The following MYOZ3 variants were observed in gnomAD, a reference collection of about 807,000 sequenced individuals.
The protein encoded by MYOZ3 is myozenin 3, also known as myozenin-3.
A neutral mutation model predicts 26.5 loss-of-function variants in MYOZ3; 19 were observed. That is an observed-to-expected ratio of 0.72 (90% CI 0.50 to 1.05). MYOZ3 has a LOEUF of 1.05. Ranked by LOEUF, MYOZ3 falls within the 50% of genes least tolerant of loss-of-function variation. The pLI, the probability that MYOZ3 is intolerant of heterozygous loss-of-function variation, is 0.00. For missense variants in MYOZ3, 322 were observed against 337.1 expected (o/e 0.96, Z 0.35); for synonymous variants, 135 against 138.8 (o/e 0.97, Z 0.19).
chr5:150,663,266 C>T (rs541330770), intron 2 of MYOZ3, among the ~76,000 whole-genome samples: 1 of 152,254 alleles, frequency 6.6e-6, no homozygotes, highest in African/African-American at 2.4e-5. Context: ...GACCCTGGCC[C>T]TGGCTTCATC....
Position 150,676,709 on chromosome 5 carries a change from C to T in MYOZ3, c.590C>T (p.Thr197Ile), listed in dbSNP as rs1245795848. 1.9e-6 allele frequency: 3 copies of T among 1,613,504 alleles called. No individual in the cohort carries two copies. Among genetic ancestry groups the T allele is most frequent in the African/African-American group, 1.3e-5 (1 of 74,888 alleles). Reference sequence around the variant, plus strand: ...CTCCTGCTGCTCTCTTTCTCCAGGACCCCGGTGCCATTTGGAGGACCCCTC... The same window carrying T: ...CTCCTGCTGCTCTCTTTCTCCAGGATCCCGGTGCCATTTGGAGGACCCCTC... The part of the protein sequence containing the change: ...SPNDYRNFNK[T>I]PVPFGGPLVG... Residue 197 changes from threonine to isoleucine, a missense_variant and splice_region_variant, in exon 7 of 7, where the codon ACC (threonine) becomes ATC (isoleucine). Thr to Ile is a moderately conservative substitution (Grantham distance 89, BLOSUM62 -1). Transcript: ENST00000517768.
In MYOZ3 at chr5:150,672,354, C is replaced by G. The variant is rs763890551; in HGVS notation, c.439C>G (p.Leu147Val). 1 of 1,608,780 alleles carries G rather than the reference C, an allele frequency of 6.2e-7. No individual in the cohort carries two copies. Among genetic ancestry groups the G allele is most frequent in the East Asian group, 2.2e-5 (1 of 44,702 alleles). Reference protein sequence around the residue: ...SALAPGYAEPLKGVPPEKFNH... With the variant: ...SALAPGYAEPVKGVPPEKFNH... ...CGCGCCCCTAGGCTATGCGGAGCCG[C>G]TGAAGGGCGTCCCGCCAGAGAAGTT... The change falls in exon 6 of 7, where the codon CTG becomes GTG. Residue 147 changes from leucine (L) to valine (V), a missense_variant. Physicochemically the swap from Leu to Val is conservative, Grantham distance 32. Transcript: ENST00000517768.
intron 2 of MYOZ3, 119 bp from the exon 3 acceptor site, chr5:150,670,365 G>A: frequency 8.6e-7 from 1 of 1,168,596 alleles, no homozygotes; most frequent in Non-Finnish European, 1.1e-6. Context: ...GACACCCGGT[G>A]TCGGCAAGCT....
chr5:150,676,732 C>T lies in MYOZ3; in HGVS notation c.613C>T (p.Leu205Phe), dbSNP rs1362909672. 31 of 1,614,012 alleles carry T rather than the reference C, an allele frequency of 1.9e-5. No individual in the cohort carries two copies. Among genetic ancestry groups the T allele is most frequent in the Non-Finnish European group, 2.6e-5 (31 of 1,180,018 alleles). ...GACCCCGGTGCCATTTGGAGGACCC[C>T]TCGTGGGGGGCACTTTTCCCAGGCC... is the stretch of plus-strand genomic sequence containing the variant. ...NKTPVPFGGP[L>F]VGGTFPRPGT... The change falls in exon 7 of 7, where the codon CTC (leucine) becomes TTC (phenylalanine). Residue 205 changes from leucine (L) to phenylalanine (F), a missense_variant. Transcript: ENST00000517768.
At chr5:150,671,443 G>A (rs1581535164) in intron 3 of MYOZ3, 154 bp from the exon 4 acceptor site, 3 of 746,186 alleles carry the variant, frequency 4.0e-6, no homozygotes, top group Non-Finnish European at 6.7e-6. Context: ...CAGGCACTGG[G>A]TTTAGCGTTG....
At chr5:150,672,067 G>C in intron 5 of MYOZ3, 159 bp downstream of exon 5, 1 of 1,220,056 alleles carries the variant, frequency 8.2e-7, no homozygotes, top group East Asian at 2.5e-5. Flanking sequence ...GAGCCGGAGG[G>C]GCGCCGCGCC....
chr5:150,674,215 C>A (rs1274623947), intron 6 of MYOZ3, among the ~76,000 whole-genome samples: 2 of 152,216 alleles, frequency 1.3e-5, no homozygotes, highest in Non-Finnish European at 2.9e-5. Context: ...GCCCTCAGAC[C>A]CTGCCTGCCC....
intron 2 of MYOZ3, among the ~76,000 whole-genome samples, chr5:150,667,293 C>T (rs1758825418): frequency 6.6e-6 from 1 of 152,162 alleles, no homozygotes; most frequent in South Asian, 2.1e-4. Flanking sequence ...TCTTCTCAAA[C>T]CTCCAATACC....
intron 6 of MYOZ3, among the ~76,000 whole-genome samples, chr5:150,676,203 C>G (rs1759002890): frequency 1.3e-5 from 2 of 151,906 alleles, no homozygotes; most frequent in African/African-American, 4.8e-5. Flanking sequence ...ACGAACCACC[C>G]AAGTAGGCGC....
intron 6 of MYOZ3, among the ~76,000 whole-genome samples, chr5:150,675,008 T>TCAAAA (rs570383078): frequency 1.4e-4 from 21 of 152,142 alleles, no homozygotes; most frequent in Non-Finnish European, 2.4e-4. Context: ...AGACCCTGTC[T>TCAAAA]CAAAACAAAA....
intron 6 of MYOZ3, 36 bp downstream of exon 6, chr5:150,672,538 G>A: frequency 6.5e-7 from 1 of 1,527,274 alleles, no homozygotes; most frequent in Non-Finnish European, 8.8e-7. Flanking sequence ...GACAGACCGG[G>A]AGGGGCGGGA....
Position 150,678,162 on chromosome 5 carries a change from C to T in MYOZ3, c.*1287C>T, listed in dbSNP as rs1330914870. On this transcript the variant is annotated 3_prime_UTR_variant, in exon 7 of 7. Transcript: ENST00000517768. ...GCCAGGAAGCCTGCAAGGGATGAGGCCATGGGAATGGAGAGAAGGGGCCAC... is the reference window on the plus strand; with the variant it reads ...GCCAGGAAGCCTGCAAGGGATGAGGTCATGGGAATGGAGAGAAGGGGCCAC... 6.6e-6 allele frequency: 1 copy of T among 152,430 alleles called. No homozygotes were observed. Among genetic ancestry groups the T allele is most frequent in the African/African-American group, 2.4e-5 (1 of 41,390 alleles). 9.4% of individuals were successfully genotyped at this position (152,430 alleles called of 1,614,324 possible).
chr5:150,672,619 G>A (rs1758939757), intron 6 of MYOZ3, 117 bp downstream of exon 6: 2 of 1,255,770 alleles, frequency 1.6e-6, no homozygotes, highest in African/African-American at 1.5e-5. Context: ...TGTCCCCAGC[G>A]CTTTCTATTC....
In MYOZ3 at chr5:150,676,814, C is replaced by A. The variant is rs1266594581; in HGVS notation, c.695C>A (p.Pro232His). The stretch of plus-strand genomic sequence containing the variant: ...GGCTTGGAACTCCTCCGTCTCAGAC[C>A]CAGCTTCAACAGAGTGGCCCAGGGC... ...LSGLELLRLR[P>H]SFNRVAQGWV... Residue 232 changes from proline (P) to histidine (H), a missense_variant, in exon 7 of 7, where the codon CCC (proline) becomes CAC (histidine). Physicochemically the swap from Pro to His is moderately conservative, Grantham distance 77. Coordinates refer to ENST00000517768, the MANE Select transcript of MYOZ3 (RefSeq NM_001122853.3). 1.9e-6 allele frequency: 3 copies of A among 1,613,892 alleles called. No individual in the cohort carries two copies. Among genetic ancestry groups the A allele is most frequent in the Non-Finnish European group, 1.7e-6 (2 of 1,180,022 alleles).
intron 1 of MYOZ3, among the ~76,000 whole-genome samples, chr5:150,662,074 C>T (rs759041231): frequency 1.9e-4 from 29 of 152,104 alleles, no homozygotes; most frequent in Non-Finnish European, 3.8e-4. Context: ...GGCCCCTTGT[C>T]GGTGTTGGGG....
In MYOZ3 at chr5:150,662,921, T is replaced by TG. The variant is rs1758756704; in HGVS notation, c.-1-15dup. ...AAATGGAGGCAGCCTGGTCCATTTATGGGGGTCTCTCCTCCACAGGATGAT... is the reference window on the plus strand; with the variant it reads ...AAATGGAGGCAGCCTGGTCCATTTATGGGGGGTCTCTCCTCCACAGGATGAT... On this transcript the variant is annotated intron_variant, in intron 1 of 6. Coordinates refer to ENST00000517768, the MANE Select transcript of MYOZ3 (RefSeq NM_001122853.3). 1 of 1,608,224 alleles carries TG rather than the reference T, an allele frequency of 6.2e-7. No individual in the cohort carries two copies. Among genetic ancestry groups the TG allele is most frequent in the Non-Finnish European group, 8.5e-7 (1 of 1,176,774 alleles).
chr5:150,677,046 A>C lies in MYOZ3; in HGVS notation c.*171A>C. On this transcript the variant is annotated 3_prime_UTR_variant, in exon 7 of 7. Coordinates refer to ENST00000517768, the MANE Select transcript of MYOZ3 (RefSeq NM_001122853.3). ...GTCCCAAAACATGGGTGTGTTTCAA[A>C]ATTACCTGGGGATGTTGTTCCAAAT... The C allele has an allele frequency of 1.6e-6, 1 of 613,516 alleles. No individual in the cohort carries two copies. Among genetic ancestry groups the C allele is most frequent in the South Asian group, 2.2e-5 (1 of 45,378 alleles). The allele number at this position is 613,516 out of a possible 1,614,324, so 38.0% of individuals were successfully genotyped here.
Position 150,677,125 on chromosome 5 carries a change from A to C in MYOZ3, c.*250A>C, listed in dbSNP as rs1424615032. The C allele has an allele frequency of 4.9e-6, 2 of 410,648 alleles. No individual in the cohort carries two copies. The highest frequency in any genetic ancestry group is 4.0e-5 in the African/African-American group (2 of 50,168). 25.4% of individuals were successfully genotyped at this position (410,648 alleles called of 1,614,324 possible). A position where few individuals can be genotyped will look rare whatever the true frequency, so the allele number is the denominator to read the frequency against. On this transcript the variant is annotated 3_prime_UTR_variant, in exon 7 of 7. Coordinates refer to ENST00000517768, the MANE Select transcript of MYOZ3 (RefSeq NM_001122853.3). Reference sequence around the variant, plus strand: ...AGCATCAGAGTCTCCTGAGTCGAGGAATCTGTATTATTAATAGCAACCAGG... The same window carrying C: ...AGCATCAGAGTCTCCTGAGTCGAGGCATCTGTATTATTAATAGCAACCAGG...
At chr5:150,669,627 T>C (rs1018390047) in intron 2 of MYOZ3, among the ~76,000 whole-genome samples, 2 of 136,114 alleles carry the variant, frequency 1.5e-5, no homozygotes, top group Non-Finnish European at 3.1e-5. Context: ...TCAGGGCCCA[T>C]ATATGCTTTT....
Sources: gnomAD v4.1 joint callset for allele counts (sites outside exome capture counted in the v4.1 genomes callset) on GRCh38, gnomAD v4.1.1 for gene constraint, MANE v1.5 for transcripts, NCBI Gene and HGNC (gene_info 2026-07-23, HGNC 2026-07-21) for gene names.